PDE4D: variants seen among roughly 807,000 people sequenced by gnomAD.
The protein encoded by PDE4D is phosphodiesterase 4D.
In PDE4D, 24 loss-of-function variants were observed where a neutral mutation model predicts 87.4. The ratio of observed to expected loss-of-function variants is 0.27; its 90% CI spans 0.20 to 0.39. The LOEUF is 0.39. PDE4D is among the 10% of genes least tolerant of loss of function. PDE4D has a pLI of 1.00. For synonymous variants in PDE4D, 384 were observed against 383.2 expected (o/e 1.00, Z -0.02); for missense variants, 714 against 1,041.0 (o/e 0.69, Z 4.32).
rs112392579 is a variant in PDE4D at position 60,374,389 on chromosome 5, C to G, written c.-90+113553G>C. 2.4e-3 allele frequency among the ~76,000 whole-genome samples: 360 copies of G among 152,252 alleles called. 4 individuals are homozygous for G. Among genetic ancestry groups the G allele is most frequent in the African/African-American group, 8.4e-3 (350 of 41,546 alleles). On this transcript the variant is annotated intron_variant, in intron 1 of 16. Coordinates refer to the PDE4D transcript ENST00000502484. ...ACTAGCTACAGTTTCAGGTGCAAATCCTCTTGGGGATTCTTTAAAAAGAAG... is the reference window on the plus strand; with the variant it reads ...ACTAGCTACAGTTTCAGGTGCAAATGCTCTTGGGGATTCTTTAAAAAGAAG...
chr5:59,278,266 A>G (rs930496740), intron 1 of PDE4D, among the ~76,000 whole-genome samples: 3 of 152,020 alleles, frequency 2.0e-5, no homozygotes, highest in African/African-American at 7.2e-5. Context: ...GCTTCCCCAA[A>G]TGGAAAAGAT....
Position 60,125,515 on chromosome 5 carries a change from AGAGGTTGTAC to A in PDE4D, c.42+60032_42+60041del, listed in dbSNP as rs139106409. Reference sequence around the variant, plus strand: ...TATTGGGCAGGTACACCCATCTTCCAGAGGTTGTACTGACTGCTAAACAGCTCATAGCTGT... The same window carrying A: ...TATTGGGCAGGTACACCCATCTTCCATGACTGCTAAACAGCTCATAGCTGT... On this transcript the variant is annotated intron_variant, in intron 2 of 16. Coordinates refer to the PDE4D transcript ENST00000502484. Among the ~76,000 whole-genome samples, 488 of 152,208 alleles carry A rather than the reference AGAGGTTGTAC, an allele frequency of 3.2e-3. 4 individuals carry two copies. The highest frequency in any genetic ancestry group is 0.01 in the African/African-American group (432 of 41,544).
At chr5:60,380,046 T>C (rs1238245950) in intron 1 of PDE4D, among the ~76,000 whole-genome samples, 1 of 152,234 alleles carries the variant, frequency 6.6e-6, no homozygotes, top group Admixed American at 6.5e-5. Context: ...GGTGCTAAGA[T>C]AAAATGTGCC....
chr5:59,112,974 T>C (rs1165959329), intron 5 of PDE4D, among the ~76,000 whole-genome samples: 1 of 152,074 alleles, frequency 6.6e-6, no homozygotes, highest in Non-Finnish European at 1.5e-5. Flanking sequence ...CTAATTTTTG[T>C]ATTTTTAGTA....
At chr5:60,208,952 G>T (rs906857199) in intron 1 of PDE4D, among the ~76,000 whole-genome samples, 7 of 152,096 alleles carry the variant, frequency 4.6e-5, no homozygotes, top group African/African-American at 1.7e-4. Context: ...TAGGCAGCCA[G>T]TGACAAGCAT....
intron 1 of PDE4D, among the ~76,000 whole-genome samples, chr5:60,342,242 C>T (rs933130275): frequency 1.3e-5 from 2 of 152,160 alleles, no homozygotes; most frequent in East Asian, 1.9e-4. Flanking sequence ...ACCAGATGCT[C>T]TTTAAAATCA....
At chr5:59,943,116 T>C (rs1051064684) in intron 3 of PDE4D, among the ~76,000 whole-genome samples, 8 of 152,154 alleles carry the variant, frequency 5.3e-5, no homozygotes, top group African/African-American at 1.4e-4. Context: ...GAATGTATTT[T>C]GAGTCTCATG....
intron 2 of PDE4D, among the ~76,000 whole-genome samples, chr5:60,106,364 C>T (rs1057161159): frequency 5.3e-5 from 8 of 151,450 alleles, no homozygotes; most frequent in African/African-American, 1.9e-4. Context: ...AAAGCAAGTC[C>T]TGAGTGACCT....
chr5:59,955,789 C>T (rs1758764677), intron 3 of PDE4D, among the ~76,000 whole-genome samples: 1 of 152,094 alleles, frequency 6.6e-6, no homozygotes, highest in South Asian at 2.1e-4. Flanking sequence ...CCCTCCTGCC[C>T]TTCGGTCTTC....
intron 5 of PDE4D, among the ~76,000 whole-genome samples, chr5:59,136,662 T>G (rs10062397): frequency 6.6e-6 from 1 of 152,032 alleles, no homozygotes. Context: ...AATACTCTCT[T>G]GGAGGATATG....
chr5:59,166,821 T>A (rs1581156320), intron 5 of PDE4D, among the ~76,000 whole-genome samples: 2 of 152,200 alleles, frequency 1.3e-5, no homozygotes, highest in East Asian at 3.9e-4. Flanking sequence ...TGCTTATTGC[T>A]TTTTGGTATG....
intron 1 of PDE4D, among the ~76,000 whole-genome samples, chr5:59,694,718 A>C (rs1235037958): frequency 6.6e-6 from 1 of 152,084 alleles, no homozygotes; most frequent in Non-Finnish European, 1.5e-5. Context: ...TTCAGAACAA[A>C]GCCAATGTCT....
intron 1 of PDE4D, among the ~76,000 whole-genome samples, chr5:59,640,021 T>C (rs1741308610): frequency 6.6e-6 from 1 of 152,078 alleles, no homozygotes; most frequent in Admixed American, 6.6e-5. Flanking sequence ...AATTTGCAAA[T>C]TTAAAACTAG....
chr5:60,206,266 C>G (rs72753300), intron 1 of PDE4D, among the ~76,000 whole-genome samples: 1 of 152,144 alleles, frequency 6.6e-6, no homozygotes, highest in Non-Finnish European at 1.5e-5. Context: ...AAATTCAAAG[C>G]CTTCCCGATT....
chr5:59,904,096 G>C (rs930216333), intron 3 of PDE4D, among the ~76,000 whole-genome samples: 6 of 152,068 alleles, frequency 3.9e-5, no homozygotes, highest in Non-Finnish European at 7.4e-5. Flanking sequence ...TGCTGCTGCT[G>C]TTATTGGTAT....
chr5:59,988,759 T>A, intron 2 of PDE4D: 1 of 1,114,666 alleles, frequency 9.0e-7, no homozygotes, highest in East Asian at 2.4e-5. Context: ...TCAACAAAAA[T>A]CACACTGTTT....
intron 1 of PDE4D, among the ~76,000 whole-genome samples, chr5:59,343,083 T>C (rs1779027901): frequency 6.6e-6 from 1 of 152,058 alleles, no homozygotes; most frequent in Non-Finnish European, 1.5e-5. Flanking sequence ...TAGTTATTTT[T>C]CCTGATTCTC....
intron 1 of PDE4D, among the ~76,000 whole-genome samples, chr5:59,554,909 G>T (rs1818650629): frequency 6.6e-6 from 1 of 152,170 alleles, no homozygotes; most frequent in Non-Finnish European, 1.5e-5. Flanking sequence ...GGTTGGGGGT[G>T]TAAGAAGACT....
intron 5 of PDE4D, among the ~76,000 whole-genome samples, chr5:59,071,683 C>CTTTTTTTTTTT (rs10701223): frequency 1.9e-4 from 16 of 82,402 alleles, no homozygotes; most frequent in African/African-American, 2.0e-4. Context: ...TATTTCTCTT[C>CTTTTTTTTTTT]TTTTTTTTTT....
Sources: gnomAD v4.1 joint callset for allele counts (sites outside exome capture counted in the v4.1 genomes callset) on GRCh38, gnomAD v4.1.1 for gene constraint, MANE v1.5 for transcripts, NCBI Gene and HGNC (gene_info 2026-07-23, HGNC 2026-07-21) for gene names.